ANKRD44: variants seen among roughly 807,000 people sequenced by gnomAD.
ANKRD44 encodes serine/threonine-protein phosphatase 6 regulatory ankyrin repeat subunit B.
Under a neutral mutation model 116.0 loss-of-function variants are expected in ANKRD44, and 35 were observed. That is an observed-to-expected ratio of 0.30 (90% CI 0.23 to 0.40). The LOEUF (loss-of-function observed/expected upper bound fraction) is 0.40. Ranked by LOEUF, ANKRD44 falls within the 10% of genes least tolerant of loss-of-function variation. The pLI, the probability that ANKRD44 is intolerant of heterozygous loss-of-function variation, is 1.00. For synonymous variants in ANKRD44, 435 were observed against 461.8 expected, an observed-to-expected ratio of 0.94 and a Z score of 0.74; for missense variants, 1,014 against 1,242.6, an observed-to-expected ratio of 0.82 and a Z score of 2.77.
chr2:197,129,587 T>C (rs1217547539), intron 4 of ANKRD44, among the ~76,000 whole-genome samples: 1 of 152,080 alleles, frequency 6.6e-6, no homozygotes, highest in Non-Finnish European at 1.5e-5. Flanking sequence ...GCAGAAATAA[T>C]AGAAAGGAGG....
chr2:197,150,659 C>T (rs569969317), intron 2 of ANKRD44, among the ~76,000 whole-genome samples: 115 of 152,034 alleles, frequency 7.6e-4, no homozygotes, highest in Non-Finnish European at 5.4e-4. Context: ...GACGAACATA[C>T]GGTAAACATC....
At chr2:197,255,646 T>A (rs1162072887) in intron 1 of ANKRD44, among the ~76,000 whole-genome samples, 1 of 152,262 alleles carries the variant, frequency 6.6e-6, no homozygotes, top group Non-Finnish European at 1.5e-5. Context: ...ACTTCCTTTT[T>A]TCTAGGCTGT....
At chr2:197,176,686 G>A (rs773487342) in intron 2 of ANKRD44, among the ~76,000 whole-genome samples, 1 of 152,164 alleles carries the variant, frequency 6.6e-6, no homozygotes, top group Non-Finnish European at 1.5e-5. Flanking sequence ...GGAAAAGACA[G>A]CCTGTGTTAC....
chr2:197,070,821 T>C (rs1327205754), intron 16 of ANKRD44, among the ~76,000 whole-genome samples: 1 of 152,176 alleles, frequency 6.6e-6, no homozygotes, highest in African/African-American at 2.4e-5. Flanking sequence ...TTATGTTAAT[T>C]CTTTAAGTAT....
intron 11 of ANKRD44, chr2:197,088,996 C>T: frequency 4.7e-6 from 2 of 426,338 alleles, no homozygotes; most frequent in Non-Finnish European, 8.3e-6. Context: ...TTTATTTTCA[C>T]ATTCAGCCCT....
At chr2:197,133,117 A>T (rs1032801490) in intron 4 of ANKRD44, among the ~76,000 whole-genome samples, 11 of 152,212 alleles carry the variant, frequency 7.2e-5, no homozygotes, top group African/African-American at 2.7e-4. Flanking sequence ...TGATGACACT[A>T]ATCGGCTGGA....
chr2:197,136,684 T>TAG, intron 3 of ANKRD44, 22 bp from the exon 4 acceptor site: 1 of 1,612,450 alleles, frequency 6.2e-7, no homozygotes, highest in East Asian at 2.2e-5. Context: ...CAGCACAAGT[T>TAG]AGAGGCATAA....
chr2:197,190,582 T>C (rs145709769), intron 1 of ANKRD44, among the ~76,000 whole-genome samples: 1 of 152,336 alleles, frequency 6.6e-6, no homozygotes, highest in African/African-American at 2.4e-5. Context: ...CACTCCTTTT[T>C]GTTGGAATTT....
At chr2:197,130,924 C>T (rs960304896) in intron 4 of ANKRD44, among the ~76,000 whole-genome samples, 4 of 152,150 alleles carry the variant, frequency 2.6e-5, no homozygotes, top group African/African-American at 7.2e-5. Flanking sequence ...AATAGATGTG[C>T]TTTATTGGCT....
chr2:197,213,089 T>A (rs2712904), intron 1 of ANKRD44, among the ~76,000 whole-genome samples: 23,286 of 152,162 alleles, frequency 0.15, 3,953 homozygotes, highest in African/African-American at 0.42. Flanking sequence ...CAGGCCTCCA[T>A]GGTGGCACCT....
rs1430099329 is a variant in ANKRD44, at chr2:197,121,416, G to A, written c.822C>T (p.Thr274=). The A allele has an allele frequency of 6.2e-7, 1 of 1,614,092 alleles. No homozygotes were observed. The highest frequency in any genetic ancestry group is 8.5e-7 in the Non-Finnish European group (1 of 1,180,026). The change falls in exon 8 of 28, where the codon ACC becomes ACT. Residue 274 remains threonine (T), a synonymous_variant. Transcript: ENST00000282272. The part of the protein sequence containing the change: ...NVNQPNNNGF[T]PLHFAAASTH... ...TGGAGGCAGCAGCAAAATGCAAAGG[G>A]GTGAACCCATTATTGTTTGGCTGGT...
chr2:197,056,651 T>C, intron 16 of ANKRD44, among the ~76,000 whole-genome samples: 1 of 152,312 alleles, frequency 6.6e-6, no homozygotes, highest in South Asian at 2.1e-4. Context: ...TAACATTTTA[T>C]ATAATATTTT....
intron 16 of ANKRD44, among the ~76,000 whole-genome samples, chr2:197,059,651 A>G (rs1574371973): frequency 6.6e-6 from 1 of 152,336 alleles, no homozygotes; most frequent in South Asian, 2.1e-4. Context: ...GTATTCAGAT[A>G]TGCGCCTGCC....
rs1055155100 is a variant in ANKRD44, at chr2:196,986,822, C to T, written c.*2769G>A. 27 of 985,286 alleles carry T rather than the reference C, an allele frequency of 2.7e-5. No homozygotes were observed. The highest frequency in any genetic ancestry group is 3.3e-5 in the Non-Finnish European group (27 of 829,932). 61.0% of individuals were successfully genotyped at this position (985,286 alleles called of 1,614,324 possible). On this transcript the variant is annotated 3_prime_UTR_variant, in exon 28 of 28. Coordinates refer to ENST00000282272, the MANE Select transcript of ANKRD44 (RefSeq NM_001195144.2). ...AGATTCAGATTGTTTCAAAGTCATT[C>T]ACTGAACTAAAAGTCATTTTCCCCA...
chr2:197,087,715 G>A (rs79405132), intron 12 of ANKRD44, among the ~76,000 whole-genome samples: 6,206 of 152,186 alleles, frequency 0.041, 424 homozygotes, highest in African/African-American at 0.14. Context: ...AAATAAGTAT[G>A]TGTTGGTGTA....
intron 2 of ANKRD44, among the ~76,000 whole-genome samples, chr2:197,152,616 A>C (rs1485484847): frequency 2.0e-5 from 3 of 152,212 alleles, no homozygotes; most frequent in Non-Finnish European, 4.4e-5. Flanking sequence ...ACCAAAGAAG[A>C]AGCAGATAAA....
chr2:197,010,807 T>C (rs1017132794), intron 18 of ANKRD44, among the ~76,000 whole-genome samples: 1 of 152,200 alleles, frequency 6.6e-6, no homozygotes, highest in Admixed American at 6.5e-5. Context: ...GACGCCGCTA[T>C]GTGAGGTTGA....
intron 1 of ANKRD44, among the ~76,000 whole-genome samples, chr2:197,249,840 T>C (rs1236573927): frequency 3.3e-5 from 5 of 152,228 alleles, no homozygotes; most frequent in African/African-American, 4.8e-5. Context: ...AAGACAGTTA[T>C]TAAGATTAAA....
chr2:197,005,051 A>T (rs1168881780), intron 21 of ANKRD44, among the ~76,000 whole-genome samples: 1 of 152,154 alleles, frequency 6.6e-6, no homozygotes. Context: ...AAATATACAC[A>T]TTAATTTATA....
Sources: gnomAD v4.1 joint callset for allele counts (sites outside exome capture counted in the v4.1 genomes callset) on GRCh38, gnomAD v4.1.1 for gene constraint, MANE v1.5 for transcripts, NCBI Gene and HGNC (gene_info 2026-07-23, HGNC 2026-07-21) for gene names.